Variants in VTI1A observed in about 807,000 individuals in gnomAD.
VTI1A encodes the protein vesicle transport through interaction with t-SNAREs 1A.
In VTI1A, 22 loss-of-function variants were observed where a neutral mutation model predicts 34.9. That is an observed-to-expected ratio of 0.63 (90% confidence interval 0.45 to 0.90). The LOEUF is 0.90. Ranked by LOEUF, VTI1A falls within the 40% of genes least tolerant of loss-of-function variation. VTI1A has a pLI of 0.00. For synonymous variants in VTI1A, 87 were observed against 97.3 expected (o/e 0.89, Z 0.62); for missense variants, 268 against 275.6 (o/e 0.97, Z 0.20).
In VTI1A at chr10:112,663,516, CAT is replaced by C. The variant is rs1359656767; in HGVS notation, c.428-4701_428-4700del. Among the ~76,000 whole-genome samples, 4 of 152,304 alleles carry C rather than the reference CAT, an allele frequency of 2.6e-5. No homozygotes were observed. The East Asian group carries it at 5.8e-4, about 22-fold the overall frequency. ...CGTAACTGGAAGCAGAAGTTCCTCA[CAT>C]GTCTTAGGTTGTCAAATAATGAAAG... On this transcript the variant is annotated intron_variant, in intron 5 of 7. Coordinates refer to ENST00000393077, the MANE Select transcript of VTI1A (RefSeq NM_145206.4).
chr10:112,624,960 C>A (rs958355798), intron 5 of VTI1A, among the ~76,000 whole-genome samples: 1 of 151,926 alleles, frequency 6.6e-6, no homozygotes, highest in Admixed American at 6.5e-5. Flanking sequence ...TAGCCAGGCA[C>A]AGTGGCACAC....
In VTI1A at chr10:112,537,309, A is replaced by G. The variant is rs1850669862; in HGVS notation, c.343-937A>G. 5.9e-5 allele frequency among the ~76,000 whole-genome samples: 6 copies of G among 101,552 alleles called. No homozygotes were observed. The South Asian group carries it at 2.1e-3, about 36-fold the overall frequency. 66.6% of individuals were successfully genotyped at this position (101,552 alleles called of 152,430 possible). A position where few individuals can be genotyped will look rare whatever the true frequency, so the allele number is the denominator to read the frequency against. ...TACATTTATATATTTCTAAGTATCT[A>G]GGTATATATATATATATATATATAT... On this transcript the variant is annotated intron_variant, in intron 4 of 7. Transcript: ENST00000393077.
intron 5 of VTI1A, among the ~76,000 whole-genome samples, chr10:112,578,758 A>T (rs1268026045): frequency 6.6e-6 from 1 of 152,224 alleles, no homozygotes; most frequent in Non-Finnish European, 1.5e-5. Flanking sequence ...TGATGGATAT[A>T]GTTTTTAAGA....
chr10:112,460,783 A>G (rs1304540263), intron 2 of VTI1A, among the ~76,000 whole-genome samples: 2 of 152,228 alleles, frequency 1.3e-5, no homozygotes, highest in African/African-American at 4.8e-5. Context: ...TGATTCATTA[A>G]ATATCTATCT....
intron 7 of VTI1A, among the ~76,000 whole-genome samples, chr10:112,705,477 G>T (rs1360759027): frequency 6.6e-6 from 1 of 152,022 alleles, no homozygotes; most frequent in East Asian, 1.9e-4. Context: ...AACTGTCCCA[G>T]AAGAACCAAA....
intron 3 of VTI1A, among the ~76,000 whole-genome samples, chr10:112,469,187 A>G (rs1464562362): frequency 6.6e-6 from 1 of 152,146 alleles, no homozygotes; most frequent in Non-Finnish European, 1.5e-5. Context: ...ACTTGCTGTT[A>G]TGGCCTCTAT....
chr10:112,718,452 AT>A (rs1449741833), intron 7 of VTI1A, among the ~76,000 whole-genome samples: 2 of 152,250 alleles, frequency 1.3e-5, no homozygotes, highest in African/African-American at 2.4e-5. Flanking sequence ...TAAATTTTAC[AT>A]TTTTTAGTAA....
intron 5 of VTI1A, among the ~76,000 whole-genome samples, chr10:112,653,641 A>C (rs908224822): frequency 6.6e-6 from 1 of 152,252 alleles, no homozygotes; most frequent in African/African-American, 2.4e-5. Flanking sequence ...GGTATCCATT[A>C]AGTGCTTAGC....
chr10:112,675,946 A>C (rs1351016483), intron 7 of VTI1A, among the ~76,000 whole-genome samples: 1 of 152,216 alleles, frequency 6.6e-6, no homozygotes, highest in East Asian at 1.9e-4. Flanking sequence ...TTTACTATGG[A>C]AATTTTTATA....
chr10:112,546,737 TGCAAAAATAGACTC>T (rs1851146052), intron 5 of VTI1A, among the ~76,000 whole-genome samples: 3 of 152,104 alleles, frequency 2.0e-5, no homozygotes, highest in Non-Finnish European at 4.4e-5. Context: ...ATTAGGGAAA[TGCAAAAATAGACTC>T]TCTGAGTAAG....
the VTI1A span, among the ~76,000 whole-genome samples, chr10:112,847,709 C>T: frequency 6.6e-6 from 1 of 152,224 alleles, no homozygotes; most frequent in Non-Finnish European, 1.5e-5. Context: ...CTTTCCTAAT[C>T]ATCCTGAGAA....
At chr10:112,520,218 C>T (rs1238609795) in intron 3 of VTI1A, among the ~76,000 whole-genome samples, 1 of 151,926 alleles carries the variant, frequency 6.6e-6, no homozygotes, top group Non-Finnish European at 1.5e-5. Flanking sequence ...CAGATGCTGA[C>T]AACAACATCT....
chr10:112,776,751 C>T (rs376049314), intron 7 of VTI1A, among the ~76,000 whole-genome samples: 126 of 145,804 alleles, frequency 8.6e-4, no homozygotes, highest in African/African-American at 3.2e-3. Context: ...GATCTTGGCT[C>T]ACTGCAACCT....
chr10:112,687,255 A>T (rs1848448025), intron 7 of VTI1A, among the ~76,000 whole-genome samples: 1 of 78,150 alleles, frequency 1.3e-5, no homozygotes. Flanking sequence ...TTTTTTTGAG[A>T]CGGAGTTTTG....
chr10:112,681,008 C>G (rs986565442), intron 7 of VTI1A, among the ~76,000 whole-genome samples: 1 of 151,878 alleles, frequency 6.6e-6, no homozygotes, highest in Non-Finnish European at 1.5e-5. Context: ...CTCATCTGCT[C>G]ATAAAGTTAA....
intron 5 of VTI1A, among the ~76,000 whole-genome samples, chr10:112,662,635 A>G (rs1296143975): frequency 3.9e-5 from 6 of 152,194 alleles, no homozygotes; most frequent in African/African-American, 1.4e-4. Flanking sequence ...ACTAGGATCT[A>G]TTGGGATACT....
chr10:112,814,884 A>C (rs1853454986), intron 7 of VTI1A, among the ~76,000 whole-genome samples: 1 of 152,220 alleles, frequency 6.6e-6, no homozygotes, highest in South Asian at 2.1e-4. Context: ...GTTTCCTTGG[A>C]GTATTTTACT....
chr10:112,830,228 C>T, the VTI1A span, among the ~76,000 whole-genome samples: 1 of 152,082 alleles, frequency 6.6e-6, no homozygotes, highest in African/African-American at 2.4e-5. Flanking sequence ...TTGGCATAGC[C>T]TTTCGCATCA....
At chr10:112,465,577 A>G (rs536633078) in intron 3 of VTI1A, among the ~76,000 whole-genome samples, 1 of 152,364 alleles carries the variant, frequency 6.6e-6, no homozygotes, top group South Asian at 2.1e-4. Flanking sequence ...ATGAACCTCG[A>G]AGACATTATG....
Sources: gnomAD v4.1 joint callset for allele counts (sites outside exome capture counted in the v4.1 genomes callset) on GRCh38, gnomAD v4.1.1 for gene constraint, MANE v1.5 for transcripts, NCBI Gene and HGNC (gene_info 2026-07-23, HGNC 2026-07-21) for gene names.